OPCML: variants seen among roughly 807,000 people sequenced by gnomAD.
OPCML encodes the protein opioid-binding protein/cell adhesion molecule.
In OPCML, 13 loss-of-function variants were observed where a neutral mutation model predicts 37.8. The ratio of observed to expected loss-of-function variants is 0.34; its 90% CI spans 0.22 to 0.55. OPCML has a LOEUF of 0.55. Ranked by LOEUF, OPCML falls within the 20% of genes least tolerant of loss-of-function variation. OPCML has a pLI of 0.91. For missense variants in OPCML, 341 were observed against 435.6 expected, an observed-to-expected ratio of 0.78 and a Z score of 1.93; for synonymous variants, 176 against 168.8, an observed-to-expected ratio of 1.04 and a Z score of -0.33.
intron 3 of OPCML, among the ~76,000 whole-genome samples, chr11:132,637,929 G>A (rs1940609208): frequency 6.6e-6 from 1 of 152,022 alleles, no homozygotes; most frequent in Admixed American, 6.6e-5. Context: ...AATCTGCATT[G>A]GAAGATTGGG....
intron 2 of OPCML, among the ~76,000 whole-genome samples, chr11:132,836,912 A>T (rs1202738269): frequency 1.3e-5 from 2 of 152,218 alleles, no homozygotes; most frequent in African/African-American, 2.4e-5. Context: ...TTTGATAACC[A>T]GTGATCCTAC....
intron 3 of OPCML, among the ~76,000 whole-genome samples, chr11:132,601,615 C>A (rs542720834): frequency 6.6e-6 from 1 of 152,172 alleles, no homozygotes; most frequent in Non-Finnish European, 1.5e-5. Context: ...ATGACTTGAC[C>A]AGCCATGATG....
intron 3 of OPCML, among the ~76,000 whole-genome samples, chr11:132,538,258 C>G (rs1004591113): frequency 1.3e-5 from 2 of 151,868 alleles, no homozygotes; most frequent in African/African-American, 2.4e-5. Flanking sequence ...GATATATGAC[C>G]CAATGTGAAT....
chr11:132,832,395 C>G (rs1351116925), intron 2 of OPCML, among the ~76,000 whole-genome samples: 1 of 152,184 alleles, frequency 6.6e-6, no homozygotes, highest in Non-Finnish European at 1.5e-5. Context: ...ACTTTAGAAT[C>G]TTTCTCTGAC....
chr11:133,196,533 T>C (rs1592093862), intron 1 of OPCML, among the ~76,000 whole-genome samples: 1 of 152,022 alleles, frequency 6.6e-6, no homozygotes, highest in African/African-American at 2.4e-5. Context: ...AGGGGATAGG[T>C]TGGTGACCTA....
chr11:133,307,326 G>A (rs1028853698), intron 1 of OPCML, among the ~76,000 whole-genome samples: 1 of 152,094 alleles, frequency 6.6e-6, no homozygotes, highest in Non-Finnish European at 1.5e-5. Context: ...TGGCATGATA[G>A]GGGTTATGTA....
At chr11:132,838,088 C>T (rs1941120466) in intron 2 of OPCML, among the ~76,000 whole-genome samples, 1 of 152,186 alleles carries the variant, frequency 6.6e-6, no homozygotes, top group South Asian at 2.1e-4. Context: ...GAGGAAGACA[C>T]TTGTCCATCA....
chr11:133,009,350 G>T, intron 1 of OPCML: 1 of 428,062 alleles, frequency 2.3e-6, no homozygotes, highest in Non-Finnish European at 3.1e-6. Flanking sequence ...TTCACAGTCT[G>T]TTCAAATATA....
At chr11:133,367,167 G>C (rs538149108) in intron 1 of OPCML, among the ~76,000 whole-genome samples, 1 of 152,076 alleles carries the variant, frequency 6.6e-6, no homozygotes, top group Non-Finnish European at 1.5e-5. Flanking sequence ...CTAATACAGA[G>C]AGGGTTTCAC....
chr11:132,640,608 C>A (rs1940793886), intron 3 of OPCML, among the ~76,000 whole-genome samples: 1 of 152,096 alleles, frequency 6.6e-6, no homozygotes, highest in African/African-American at 2.4e-5. Flanking sequence ...GAGTTCTGTG[C>A]CTTAGGGATA....
chr11:133,445,136 A>T (rs557200186), intron 1 of OPCML, among the ~76,000 whole-genome samples: 6 of 147,906 alleles, frequency 4.1e-5, no homozygotes, highest in Non-Finnish European at 5.9e-5. Flanking sequence ...ACCACACCCC[A>T]TCTACACAAT....
intron 1 of OPCML, among the ~76,000 whole-genome samples, chr11:132,970,563 A>C (rs768895993): frequency 1.4e-4 from 21 of 152,176 alleles, no homozygotes; most frequent in Non-Finnish European, 2.9e-4. Context: ...TTATTGTGGC[A>C]TTCATGGATC....
At chr11:132,790,778 A>T (rs2853044) in intron 2 of OPCML, among the ~76,000 whole-genome samples, 1 of 152,050 alleles carries the variant, frequency 6.6e-6, no homozygotes, top group African/African-American at 2.4e-5. Flanking sequence ...CAGATGGGGC[A>T]CAGCTTGGAT....
intron 2 of OPCML, among the ~76,000 whole-genome samples, chr11:132,820,204 C>T (rs527501906): frequency 6.6e-6 from 1 of 152,282 alleles, no homozygotes; most frequent in Non-Finnish European, 1.5e-5. Context: ...GGTCATTAAC[C>T]TCTAGTTAAT....
intron 2 of OPCML, among the ~76,000 whole-genome samples, chr11:132,910,205 C>T (rs1944380768): frequency 6.6e-6 from 1 of 152,216 alleles, no homozygotes; most frequent in African/African-American, 2.4e-5. Context: ...CAGCCGCATT[C>T]CCGAATGGAG....
intron 1 of OPCML, among the ~76,000 whole-genome samples, chr11:133,163,261 T>G (rs1565480924): frequency 1.3e-5 from 2 of 152,238 alleles, no homozygotes; most frequent in Non-Finnish European, 2.9e-5. Context: ...CACGTGTTCC[T>G]GCATGACTGG....
intron 3 of OPCML, among the ~76,000 whole-genome samples, chr11:132,559,797 G>A (rs893220845): frequency 6.6e-6 from 1 of 152,226 alleles, no homozygotes; most frequent in South Asian, 2.1e-4. Flanking sequence ...TGCCACTCTC[G>A]TCCTTGGCTG....
At chr11:133,511,757 T>G (rs1948165675) in intron 1 of OPCML, among the ~76,000 whole-genome samples, 1 of 152,086 alleles carries the variant, frequency 6.6e-6, no homozygotes, top group South Asian at 2.1e-4. Flanking sequence ...ACTATAAAAT[T>G]TATCTACATG....
In OPCML at chr11:132,420,128, G is replaced by T. The variant is rs373554244; in HGVS notation, c.*65C>A. The T allele has an allele frequency of 3.5e-4, 485 of 1,388,306 alleles. 6 individuals are homozygous for T. The South Asian group carries it at 5.2e-3, about 15-fold the overall frequency. 86.0% of individuals were successfully genotyped at this position (1,388,306 alleles called of 1,614,324 possible). On this transcript the variant is annotated 3_prime_UTR_variant, in exon 8 of 8. Transcript: ENST00000524381. Reference sequence around the variant, plus strand: ...AGAAGCCCAAGCTGGTTTGCTCTCCGCAGTGTAGATTAAAGTCTGTGATAT... The same window carrying T: ...AGAAGCCCAAGCTGGTTTGCTCTCCTCAGTGTAGATTAAAGTCTGTGATAT...
Sources: gnomAD v4.1 joint callset for allele counts (sites outside exome capture counted in the v4.1 genomes callset) on GRCh38, gnomAD v4.1.1 for gene constraint, MANE v1.5 for transcripts, NCBI Gene and HGNC (gene_info 2026-07-23, HGNC 2026-07-21) for gene names.